Variants in CDHR2 observed in about 807,000 individuals in gnomAD.
CDHR2 encodes the protein cadherin-related family member 2.
Under a neutral mutation model 138.6 loss-of-function variants are expected in CDHR2, and 104 were observed. The ratio of observed to expected loss-of-function variants is 0.75; its 90% CI spans 0.64 to 0.88. The LOEUF (loss-of-function observed/expected upper bound fraction) is 0.88. Ranked by LOEUF, CDHR2 falls within the 40% of genes least tolerant of loss-of-function variation. CDHR2 has a pLI of 0.00. For synonymous variants in CDHR2, 755 were observed against 742.8 expected (o/e 1.02, Z -0.27); for missense variants, 1,624 against 1,727.6 (o/e 0.94, Z 1.06).
chr5:176,587,753 T>C (rs1758703557), intron 21 of CDHR2, among the ~76,000 whole-genome samples: 1 of 152,170 alleles, frequency 6.6e-6, no homozygotes, highest in Non-Finnish European at 1.5e-5. Context: ...AGGGCTGGCC[T>C]TCCCCACTTA....
chr5:176,557,016 CTTTT>C (rs1193465092), intron 1 of CDHR2, among the ~76,000 whole-genome samples: 9 of 55,444 alleles, frequency 1.6e-4, no homozygotes, highest in Non-Finnish European at 2.2e-4. Context: ...CTCTCTCTCT[CTTTT>C]TTTTTTTTTT....
rs1758439151 is a variant in CDHR2 at position 176,578,070 on chromosome 5, A to G, written c.1549A>G (p.Thr517Ala). 6.2e-7 allele frequency: 1 copy of G among 1,612,646 alleles called. No homozygotes were observed. Among genetic ancestry groups the G allele is most frequent in the Admixed American group, 1.7e-5 (1 of 59,922 alleles). ...DPDTGAWGQI[T>A]YSLLPGNGAD... ...AGACACGGGCGCGTGGGGCCAAATTACCTACAGCCTGCTCCCAGGAAATGG... is the reference window on the plus strand; with the variant it reads ...AGACACGGGCGCGTGGGGCCAAATTGCCTACAGCCTGCTCCCAGGAAATGG... Residue 517 changes from threonine to alanine, a missense_variant, in exon 15 of 32, where the codon ACC (threonine) becomes GCC (alanine). By Grantham distance (58) the Thr-to-Ala change is moderately conservative. Coordinates refer to ENST00000261944, the MANE Select transcript of CDHR2 (RefSeq NM_017675.6).
intron 5 of CDHR2, among the ~76,000 whole-genome samples, chr5:176,570,867 C>T (rs771336568): frequency 7.3e-5 from 11 of 151,454 alleles, no homozygotes; most frequent in Admixed American, 3.3e-4. Context: ...AGGAGAATTG[C>T]TTGAACCTGG....
downstream of CDHR2, chr5:176,595,914 A>G (rs778309422): frequency 2.5e-6 from 1 of 395,848 alleles, no homozygotes; most frequent in Non-Finnish European, 4.5e-6. Flanking sequence ...GGCTCACAGC[A>G]CAGGGGGGAC....
intron 2 of CDHR2, 88 bp downstream of exon 2, chr5:176,565,492 A>G: frequency 7.2e-7 from 1 of 1,386,190 alleles, no homozygotes. Flanking sequence ...CCTCATCAGC[A>G]AACACCAGCT....
At chr5:176,595,969 G>A (rs1019714750), downstream of CDHR2, 2 of 275,270 alleles carry the variant, frequency 7.3e-6, no homozygotes, top group Admixed American at 1.1e-4. Context: ...TGTGGTTATA[G>A]AATGAGCTCT....
At chr5:176,568,570 C>A (rs12716317) in intron 3 of CDHR2, 108 bp from the exon 4 acceptor site, 2 of 1,267,196 alleles carry the variant, frequency 1.6e-6, no homozygotes, top group Non-Finnish European at 2.2e-6. Flanking sequence ...GCAAGTCAAG[C>A]CTGTGTACAG....
chr5:176,590,371 G>A (rs945470721), intron 26 of CDHR2, 41 bp downstream of exon 26: 2 of 1,614,218 alleles, frequency 1.2e-6, no homozygotes, highest in Non-Finnish European at 1.7e-6. Flanking sequence ...AGGGTGAGCA[G>A]GAAGCCTGGG....
rs35355598 is a variant in CDHR2, at chr5:176,589,138, G to C, written c.2964G>C (p.Ser988=). The change falls in exon 22 of 32, where the codon TCG becomes TCC. Residue 988 remains serine (S), a synonymous_variant. Coordinates refer to ENST00000261944, the MANE Select transcript of CDHR2 (RefSeq NM_017675.6). ...GATIPFQGVF[S]IFTSSEADVF... ...CCATCCCTTTCCAGGGTGTCTTCTC[G>C]ATCTTCACCTCCTCCGAGGCCGACG... 4.3e-4 allele frequency: 701 copies of C among 1,614,112 alleles called. 4 individuals are homozygous for C. The African/African-American group carries it at 8.2e-3, about 19-fold the overall frequency.
intron 6 of CDHR2, 41 bp downstream of exon 6, chr5:176,571,343 C>A: frequency 7.0e-7 from 1 of 1,434,822 alleles, no homozygotes; most frequent in Non-Finnish European, 9.6e-7. Flanking sequence ...AGGGGGCATC[C>A]CAAAGTGCTT....
chr5:176,568,613 A>G, intron 3 of CDHR2, 65 bp from the exon 4 acceptor site: 1 of 1,578,726 alleles, frequency 6.3e-7, no homozygotes, highest in South Asian at 1.2e-5. Context: ...CCTCACAGCC[A>G]GCTTGGCCAG....
At chr5:176,590,918 T>C (rs949609756) in intron 28 of CDHR2, among the ~76,000 whole-genome samples, 1 of 152,200 alleles carries the variant, frequency 6.6e-6, no homozygotes, top group South Asian at 2.1e-4. Context: ...GGAAGTAACA[T>C]GCATCTCACA....
intron 1 of CDHR2, among the ~76,000 whole-genome samples, chr5:176,561,830 G>A (rs956177401): frequency 6.6e-6 from 1 of 152,028 alleles, no homozygotes; most frequent in Non-Finnish European, 1.5e-5. Flanking sequence ...AGTAGAGATG[G>A]GGTTTCACCA....
intron 6 of CDHR2, among the ~76,000 whole-genome samples, chr5:176,573,081 A>T (rs938568158): frequency 6.6e-6 from 1 of 152,130 alleles, no homozygotes; most frequent in Non-Finnish European, 1.5e-5. Context: ...GGCAAGAAGG[A>T]GCTGGCAGGG....
chr5:176,570,394 G>A (rs1758196404), intron 5 of CDHR2, among the ~76,000 whole-genome samples: 1 of 152,184 alleles, frequency 6.6e-6, no homozygotes. Context: ...TGCCCAGGCT[G>A]GAGTGCAGTG....
chr5:176,592,156 A>G (rs1307716028), intron 30 of CDHR2, among the ~76,000 whole-genome samples: 2 of 127,736 alleles, frequency 1.6e-5, no homozygotes, highest in Admixed American at 7.7e-5. Context: ...GATGATGACA[A>G]TGATGATGGT....
intron 3 of CDHR2, among the ~76,000 whole-genome samples, chr5:176,568,413 G>T (rs1297037254): frequency 6.6e-6 from 1 of 152,256 alleles, no homozygotes; most frequent in Non-Finnish European, 1.5e-5. Context: ...TCTGGAGAGG[G>T]CAGGGCCACA....
At chr5:176,555,205 T>C (rs1462763201) in intron 1 of CDHR2, among the ~76,000 whole-genome samples, 1 of 152,216 alleles carries the variant, frequency 6.6e-6, no homozygotes, top group Non-Finnish European at 1.5e-5. Context: ...TATTCTATGT[T>C]AGTTGGATGA....
chr5:176,562,692 C>T (rs752482962), intron 1 of CDHR2, among the ~76,000 whole-genome samples: 3 of 152,236 alleles, frequency 2.0e-5, no homozygotes, highest in Middle Eastern at 3.4e-3. Flanking sequence ...TGCAGGTGGC[C>T]ATCCCTCCGG....
Sources: allele counts gnomAD v4.1 joint callset (sites outside exome capture counted in the v4.1 genomes callset), GRCh38; gene constraint gnomAD v4.1.1; transcripts MANE v1.5; gene names NCBI Gene and HGNC (gene_info 2026-07-23, HGNC 2026-07-21).